LEPR: variants seen among roughly 807,000 people sequenced by gnomAD.
LEPR encodes the protein OB receptor.
Under a neutral mutation model 114.7 loss-of-function variants are expected in LEPR, and 56 were observed. The observed-to-expected ratio is 0.49, with a 90% CI of 0.39 to 0.61. The LOEUF (loss-of-function observed/expected upper bound fraction) is 0.61. Among genes scored for constraint, LEPR ranks in the 20% least tolerant of loss-of-function variants. LEPR has a pLI of 0.00. For synonymous variants in LEPR, 443 were observed against 461.4 expected, an observed-to-expected ratio of 0.96 and a Z score of 0.51; for missense variants, 1,202 against 1,352.9, an observed-to-expected ratio of 0.89 and a Z score of 1.75.
chr1:65,420,695 G>A lies in LEPR; in HGVS notation c.-142G>A, dbSNP rs1646226990. On this transcript the variant is annotated 5_prime_UTR_variant, in exon 1 of 20. Transcript: ENST00000349533. The stretch of plus-strand genomic sequence containing the variant: ...GCTGCCCGGGCCGTGGCAGGAAGCC[G>A]GAAGCAGCCGCGGCCCCAGTTCGGG... 1 of 1,574,320 alleles carries A rather than the reference G, an allele frequency of 6.4e-7. No individual in the cohort carries two copies. Among genetic ancestry groups the A allele is most frequent in the Non-Finnish European group, 8.6e-7 (1 of 1,162,206 alleles).
At chr1:65,491,288 G>A (rs1647855763) in intron 2 of LEPR, among the ~76,000 whole-genome samples, 3 of 152,070 alleles carry the variant, frequency 2.0e-5, no homozygotes, top group Admixed American at 2.0e-4. Context: ...GGCACAGGCA[G>A]TTATTTTCGT....
intron 2 of LEPR, chr1:65,434,210 A>G: frequency 2.0e-5 from 20 of 981,872 alleles, no homozygotes; most frequent in Non-Finnish European, 2.4e-5. Flanking sequence ...GTGCCTAAAT[A>G]TCATTTAAAC....
At chr1:65,432,267 T>C in intron 2 of LEPR, 1 of 1,003,156 alleles carries the variant, frequency 1.0e-6, no homozygotes, top group Non-Finnish European at 1.2e-6. Context: ...CAGATAACGC[T>C]GAAGCAGGCC....
chr1:65,503,067 T>G (rs1648540778), intron 2 of LEPR, among the ~76,000 whole-genome samples: 1 of 152,078 alleles, frequency 6.6e-6, no homozygotes, highest in Non-Finnish European at 1.5e-5. Context: ...GGCTACACAC[T>G]GTATGATTTC....
intron 2 of LEPR, among the ~76,000 whole-genome samples, chr1:65,442,994 C>T (rs554611033): frequency 6.6e-6 from 1 of 152,144 alleles, no homozygotes; most frequent in Non-Finnish European, 1.5e-5. Context: ...CAGTAATAGA[C>T]ATGCAAAAAT....
At chr1:65,484,676 AG>A (rs1647395082) in intron 2 of LEPR, among the ~76,000 whole-genome samples, 1 of 152,208 alleles carries the variant, frequency 6.6e-6, no homozygotes, top group African/African-American at 2.4e-5. Context: ...GCAACTGAAA[AG>A]CCTCTGGCTT....
At chr1:65,621,152 A>G (rs1657855071) in intron 17 of LEPR, among the ~76,000 whole-genome samples, 1 of 152,242 alleles carries the variant, frequency 6.6e-6, no homozygotes, top group African/African-American at 2.4e-5. Context: ...AATTTACAGT[A>G]GATATGATGC....
At chr1:65,593,922 A>G (rs528569247) in intron 6 of LEPR, among the ~76,000 whole-genome samples, 8 of 152,228 alleles carry the variant, frequency 5.3e-5, no homozygotes, top group South Asian at 4.1e-4. Context: ...TTTAGAGTCA[A>G]CATTGAGTGC....
intron 2 of LEPR, among the ~76,000 whole-genome samples, chr1:65,549,275 C>A (rs902950806): frequency 6.7e-6 from 1 of 150,250 alleles, no homozygotes; most frequent in Non-Finnish European, 1.5e-5. Context: ...GTGAATCTGA[C>A]AATTATGTGT....
chr1:65,434,940 C>G, intron 2 of LEPR: 2 of 985,506 alleles, frequency 2.0e-6, no homozygotes, highest in Non-Finnish European at 2.4e-6. Flanking sequence ...ATTATCTTCT[C>G]CACATCTGAA....
intron 5 of LEPR, among the ~76,000 whole-genome samples, chr1:65,590,593 G>T (rs971263645): frequency 4.8e-5 from 6 of 125,932 alleles, no homozygotes; most frequent in African/African-American, 1.8e-4. Context: ...CACCATGTTT[G>T]CATGTCCTTC....
intron 2 of LEPR, among the ~76,000 whole-genome samples, chr1:65,528,215 G>A (rs1159878266): frequency 6.6e-6 from 1 of 150,908 alleles, no homozygotes; most frequent in African/African-American, 2.4e-5. Context: ...TTTTCATACT[G>A]AGAGCCAAAC....
In LEPR at chr1:65,572,166, A is replaced by G. The variant is rs79899880; in HGVS notation, c.371-160A>G. Among the ~76,000 whole-genome samples the G allele has an allele frequency of 5.6e-3, 855 of 151,858 alleles. 10 individuals carry two copies. Among genetic ancestry groups the G allele is most frequent in the African/African-American group, 0.02 (821 of 41,476 alleles). ...AAGTGATGGGCAAACGCATGCCACT[A>G]GTTAAAGCTTGTTCTTTTTCTCTCA... On this transcript the variant is annotated intron_variant, in intron 4 of 19. Coordinates refer to ENST00000349533, the MANE Select transcript of LEPR (RefSeq NM_002303.6).
At chr1:65,618,783 A>C (rs1433086140) in intron 16 of LEPR, among the ~76,000 whole-genome samples, 4 of 152,102 alleles carry the variant, frequency 2.6e-5, no homozygotes, top group Non-Finnish European at 4.4e-5. Flanking sequence ...TTTTATTCCA[A>C]AGTCCACTTA....
intron 5 of LEPR, among the ~76,000 whole-genome samples, chr1:65,584,902 A>T (rs1655216535): frequency 6.6e-6 from 1 of 151,964 alleles, no homozygotes; most frequent in Admixed American, 6.6e-5. Flanking sequence ...TCTGAAGAGT[A>T]CTTTGCATTT....
intron 2 of LEPR, among the ~76,000 whole-genome samples, chr1:65,541,294 A>C (rs1049015489): frequency 6.6e-6 from 1 of 152,216 alleles, no homozygotes; most frequent in Non-Finnish European, 1.5e-5. Flanking sequence ...TATTTAAATG[A>C]GTCAATTTAT....
intron 2 of LEPR, among the ~76,000 whole-genome samples, chr1:65,510,367 T>C (rs1473822128): frequency 1.3e-5 from 2 of 152,100 alleles, no homozygotes; most frequent in African/African-American, 4.8e-5. Flanking sequence ...GATCCTTAGG[T>C]AACTCACAGA....
At chr1:65,590,005 T>G (rs1307700226) in intron 5 of LEPR, among the ~76,000 whole-genome samples, 5 of 151,898 alleles carry the variant, frequency 3.3e-5, no homozygotes, top group Admixed American at 1.3e-4. Context: ...TGTAGATAAA[T>G]TTGAGGAGAG....
intron 19 of LEPR, chr1:65,630,424 A>G (rs1658466260): frequency 1.1e-5 from 1 of 88,568 alleles, no homozygotes; most frequent in African/African-American, 3.9e-5. Flanking sequence ...AAAAAAAAAG[A>G]AAGAAAAAAA....
Sources: allele counts gnomAD v4.1 joint callset (sites outside exome capture counted in the v4.1 genomes callset), GRCh38; gene constraint gnomAD v4.1.1; transcripts MANE v1.5; gene names NCBI Gene and HGNC (gene_info 2026-07-23, HGNC 2026-07-21).